Variants in PCDH15 observed in about 807,000 individuals in gnomAD.
PCDH15 encodes the protein protocadherin-15.
Under a neutral mutation model 178.5 loss-of-function variants are expected in PCDH15, and 129 were observed. The ratio of observed to expected loss-of-function variants is 0.72; its 90% CI spans 0.63 to 0.84. The LOEUF (loss-of-function observed/expected upper bound fraction) is 0.84, where lower values mean the gene tolerates loss of function less well. PCDH15 is among the 40% of genes least tolerant of loss of function. The pLI, the probability that PCDH15 is intolerant of heterozygous loss-of-function variation, is 0.00. For synonymous variants in PCDH15, 800 were observed against 732.0 expected (o/e 1.09, Z -1.50); for missense variants, 2,230 against 2,099.9 (o/e 1.06, Z -1.21).
At chr10:54,893,918 TTCTC>T (rs1261403084) in intron 3 of PCDH15, among the ~76,000 whole-genome samples, 13 of 152,082 alleles carry the variant, frequency 8.5e-5, no homozygotes, top group Admixed American at 7.2e-4. Flanking sequence ...GGTCAAACAT[TTCTC>T]TCACTGTAGC....
intron 2 of PCDH15, among the ~76,000 whole-genome samples, chr10:55,007,849 C>CT (rs1306135792): frequency 7.9e-5 from 12 of 152,188 alleles, no homozygotes; most frequent in African/African-American, 2.9e-4. Context: ...GGGGAGAGGA[C>CT]TGTTTAACCA....
intron 37 of PCDH15, chr10:53,808,895 C>T (rs941488141): frequency 6.3e-7 from 1 of 1,590,914 alleles, no homozygotes; most frequent in Non-Finnish European, 8.6e-7. Flanking sequence ...CTGCCCTCTT[C>T]AGGGATATCT....
intron 15 of PCDH15, among the ~76,000 whole-genome samples, chr10:54,125,188 T>C (rs745467087): frequency 2.0e-4 from 30 of 152,076 alleles, no homozygotes; most frequent in Non-Finnish European, 4.0e-4. Flanking sequence ...GGTGTCAACA[T>C]TCAACTTCTT....
chr10:54,665,529 T>C (rs1387046550), intron 1 of PCDH15, among the ~76,000 whole-genome samples: 1 of 152,014 alleles, frequency 6.6e-6, no homozygotes, highest in Non-Finnish European at 1.5e-5. Context: ...CATTTTATTT[T>C]TGATTTATTG....
chr10:54,967,428 CCCTTT>C (rs753222662), intron 2 of PCDH15, among the ~76,000 whole-genome samples: 12 of 152,096 alleles, frequency 7.9e-5, no homozygotes, highest in Non-Finnish European at 1.3e-4. Context: ...ATTCCTCTTT[CCCTTT>C]CTTTTGCCAA....
In PCDH15 at chr10:55,303,674, A is replaced by G. The variant is rs1312719051; in HGVS notation, c.-156+15925T>C. Among the ~76,000 whole-genome samples, 4 of 152,226 alleles carry G rather than the reference A, an allele frequency of 2.6e-5. No homozygotes were observed. The East Asian group carries it at 7.7e-4, about 29-fold the overall frequency. On this transcript the variant is annotated intron_variant, in intron 1 of 5. Coordinates refer to the PCDH15 transcript ENST00000458638. ...TGGTAGAAATAGGTGTATTTCATCT[A>G]AGTTGTCTATTTTATGTGTATAGAG...
At chr10:55,306,856 C>T (rs1395487075) in intron 1 of PCDH15, among the ~76,000 whole-genome samples, 2 of 152,026 alleles carry the variant, frequency 1.3e-5, no homozygotes, top group African/African-American at 4.8e-5. Context: ...GGCAAAGTTC[C>T]AATGGCAAAA....
chr10:55,421,586 A>G (rs1838623191), intron 2 of PCDH15, among the ~76,000 whole-genome samples: 1 of 150,782 alleles, frequency 6.6e-6, no homozygotes, highest in Admixed American at 6.7e-5. Context: ...TTATCAGGAG[A>G]CTAAAATGAT....
chr10:55,450,965 ATATATAT>A (rs1839422778), intron 2 of PCDH15, among the ~76,000 whole-genome samples: 1 of 144,550 alleles, frequency 6.9e-6, no homozygotes, highest in Non-Finnish European at 1.5e-5. Context: ...CTATATATAT[ATATATAT>A]ATATATATAT....
At chr10:54,741,902 A>G (rs888672880) in intron 1 of PCDH15, among the ~76,000 whole-genome samples, 5 of 152,034 alleles carry the variant, frequency 3.3e-5, no homozygotes, top group African/African-American at 4.8e-5. Context: ...ATCCTAACTC[A>G]ATCTTCAACT....
intron 2 of PCDH15, among the ~76,000 whole-genome samples, chr10:54,662,790 T>C (rs2094510964): frequency 6.6e-6 from 1 of 152,014 alleles, no homozygotes; most frequent in Non-Finnish European, 1.5e-5. Context: ...TTATATAAAG[T>C]AATACCAATA....
At chr10:55,048,246 T>G (rs1841063133) in intron 2 of PCDH15, among the ~76,000 whole-genome samples, 1 of 151,726 alleles carries the variant, frequency 6.6e-6, no homozygotes, top group Non-Finnish European at 1.5e-5. Flanking sequence ...TCAATAGAAA[T>G]AATTATATAA....
intron 2 of PCDH15, among the ~76,000 whole-genome samples, chr10:55,026,163 G>T (rs1419686612): frequency 6.6e-6 from 1 of 151,872 alleles, no homozygotes; most frequent in Non-Finnish European, 1.5e-5. Flanking sequence ...TGGAAGACAG[G>T]ATTCACATTT....
chr10:55,024,549 TATC>T (rs1318514885), intron 2 of PCDH15, among the ~76,000 whole-genome samples: 1 of 151,934 alleles, frequency 6.6e-6, no homozygotes, highest in African/African-American at 2.4e-5. Context: ...TAATCAGTGA[TATC>T]ATATACATAT....
rs1478309533 is a variant in PCDH15 at position 54,421,691 on chromosome 10, T to C, written c.158-42749A>G. Among the ~76,000 whole-genome samples, 770 of 94,900 alleles carry C rather than the reference T, an allele frequency of 8.1e-3. 34 individuals carry two copies. The highest frequency in any genetic ancestry group is 0.042 in the Middle Eastern group (6 of 144). 62.3% of individuals were successfully genotyped at this position (94,900 alleles called of 152,430 possible). A position where few individuals can be genotyped will look rare whatever the true frequency, so the allele number is the denominator to read the frequency against. Reference sequence around the variant, plus strand: ...ATATACATATATATATATATATATATATACACACACACACACACACTATAT... The same window carrying C: ...ATATACATATATATATATATATATACATACACACACACACACACACTATAT... On this transcript the variant is annotated intron_variant, in intron 3 of 37. Coordinates refer to ENST00000644397, the MANE Select transcript of PCDH15 (RefSeq NM_001384140.1).
At chr10:55,064,010 C>T (rs943204811) in intron 2 of PCDH15, among the ~76,000 whole-genome samples, 3 of 152,064 alleles carry the variant, frequency 2.0e-5, no homozygotes, top group African/African-American at 7.2e-5. Context: ...AGCTATGCAG[C>T]ATGATCATGT....
chr10:55,607,647 A>G (rs1288314156), intron 2 of PCDH15, among the ~76,000 whole-genome samples: 2 of 148,330 alleles, frequency 1.3e-5, no homozygotes, highest in South Asian at 2.2e-4. Flanking sequence ...CTATCACAAG[A>G]ACAAAAAACC....
At position 55,096,147 on chromosome 10, in the gene PCDH15, C is replaced by T. The variant is rs571456680; in HGVS notation, c.-80+70429G>A. On this transcript the variant is annotated intron_variant, in intron 2 of 5. Transcript: ENST00000458638. ...TTACAAGTCAACTATGTTCAATGCA[C>T]ATCAAAACATGAAAAAAAATTCTAT... 3.9e-4 allele frequency among the ~76,000 whole-genome samples: 59 copies of T among 152,192 alleles called. 1 individual carries two copies. In the South Asian group the frequency reaches 0.011, roughly 28 times the overall value.
chr10:53,947,835 TGGA>T (rs2086701585), intron 23 of PCDH15, among the ~76,000 whole-genome samples: 1 of 152,206 alleles, frequency 6.6e-6, no homozygotes, highest in African/African-American at 2.4e-5. Flanking sequence ...AATCTTCATC[TGGA>T]GGATACAAAA....
Sources: gnomAD v4.1 joint callset for allele counts (sites outside exome capture counted in the v4.1 genomes callset) on GRCh38, gnomAD v4.1.1 for gene constraint, MANE v1.5 for transcripts, NCBI Gene and HGNC (gene_info 2026-07-23, HGNC 2026-07-21) for gene names.